The following DCAF8 variants were observed in gnomAD, a reference collection of about 807,000 sequenced individuals.
DCAF8 encodes DDB1 and CUL4 associated factor 8, also known as DDB1- and CUL4-associated factor 8.
DCAF8 carries 20 observed loss-of-function variants against 68.0 expected under a neutral mutation model. The observed-to-expected ratio is 0.29, with a 90% CI of 0.21 to 0.43. The LOEUF (loss-of-function observed/expected upper bound fraction) is 0.43. Among genes scored for constraint, DCAF8 ranks in the 20% least tolerant of loss-of-function variants. The probability of loss-of-function intolerance (pLI) is 1.00; values close to 1 mark genes in which losing one functional copy is unlikely to be tolerated. For synonymous variants in DCAF8, 230 were observed against 276.9 expected, an observed-to-expected ratio of 0.83 and a Z score of 1.68; for missense variants, 460 against 771.0, an observed-to-expected ratio of 0.60 and a Z score of 4.78.
intron 2 of DCAF8, among the ~76,000 whole-genome samples, chr1:160,249,522 G>A (rs1190180335): frequency 6.6e-6 from 1 of 151,746 alleles, no homozygotes. Flanking sequence ...CAAGAAAAAA[G>A]AGGCTCAGAC....
intron 3 of DCAF8, among the ~76,000 whole-genome samples, chr1:160,240,608 C>A (rs1212377410): frequency 6.6e-6 from 1 of 152,158 alleles, no homozygotes; most frequent in East Asian, 1.9e-4. Flanking sequence ...AGCAAAGAAT[C>A]TCAGGACAAT....
At chr1:160,245,163 T>C (rs925016096) in intron 2 of DCAF8, among the ~76,000 whole-genome samples, 7 of 152,206 alleles carry the variant, frequency 4.6e-5, no homozygotes. Context: ...AGACTCATCT[T>C]TCCTTAACAA....
Position 160,240,038 on chromosome 1 carries a change from C to A in DCAF8, c.382G>T (p.Asp128Tyr). Reference sequence around the variant, plus strand: ...AGGGCCCGCTCATCATCTGATGAGTCCTGGTCACGGTTAGCCCGCTTGCGC... The same window carrying A: ...AGGGCCCGCTCATCATCTGATGAGTACTGGTCACGGTTAGCCCGCTTGCGC... ...VQRKRANRDQ[D>Y]SSDDERALED... The change falls in exon 4 of 14, where the codon GAC becomes TAC. Residue 128 changes from aspartate (D) to tyrosine (Y), a missense_variant. By Grantham distance (160) the Asp-to-Tyr change is radical. Transcript: ENST00000368074. The A allele has an allele frequency of 1.2e-6, 2 of 1,614,236 alleles. No homozygotes were observed. Among genetic ancestry groups the A allele is most frequent in the South Asian group, 1.1e-5 (1 of 91,088 alleles).
chr1:160,231,701 G>A (rs2101729600), intron 6 of DCAF8, among the ~76,000 whole-genome samples: 1 of 152,282 alleles, frequency 6.6e-6, no homozygotes, highest in East Asian at 1.9e-4. Context: ...TCTTTAGGAA[G>A]CCTCAGTTTA....
At position 160,218,867 on chromosome 1, in the gene DCAF8, C is replaced by G; in HGVS notation, c.1542G>C (p.Glu514Asp). ...IWAPTAEAST[E>D]LTGLKDVIKK... is the part of the protein sequence containing the mutation. Reference sequence around the variant, plus strand: ...CACTTACATCTTTTAACCCTGTCAGCTCAGTGGAAGCTTCAGCTGTGGGTG... The same window carrying G: ...CACTTACATCTTTTAACCCTGTCAGGTCAGTGGAAGCTTCAGCTGTGGGTG... The change falls in exon 12 of 14, where the codon GAG becomes GAC. Residue 514 changes from glutamate to aspartate, a missense_variant. This residue lies in a region of DCAF8 where 80 missense variants were observed against 115.1 expected (regional missense o/e 0.70). Transcript: ENST00000368074. The G allele has an allele frequency of 6.2e-7, 1 of 1,614,236 alleles. No individual in the cohort carries two copies. Among genetic ancestry groups the G allele is most frequent in the Non-Finnish European group, 8.5e-7 (1 of 1,180,036 alleles).
At chr1:160,236,549 T>C (rs1452680950) in intron 6 of DCAF8, among the ~76,000 whole-genome samples, 1 of 151,564 alleles carries the variant, frequency 6.6e-6, no homozygotes, top group Non-Finnish European at 1.5e-5. Context: ...GTTCAGAAGG[T>C]TATGTAAGTC....
chr1:160,222,866 A>C, intron 10 of DCAF8, 85 bp from the exon 11 acceptor site: 1 of 1,562,308 alleles, frequency 6.4e-7, no homozygotes, highest in Middle Eastern at 1.7e-4. Flanking sequence ...TTAGTTATTC[A>C]CAAACTCTAA....
chr1:160,259,426 G>A (rs948906344), intron 2 of DCAF8, among the ~76,000 whole-genome samples: 1 of 152,032 alleles, frequency 6.6e-6, no homozygotes, highest in Admixed American at 6.6e-5. Context: ...CCAGCTACTC[G>A]GGAGGTTGAG....
chr1:160,217,701 C>T lies in DCAF8; in HGVS notation c.1685G>A (p.Arg562Gln), dbSNP rs553804996. 2.4e-5 allele frequency: 39 copies of T among 1,613,766 alleles called. No homozygotes were observed. Among genetic ancestry groups the T allele is most frequent in the East Asian group, 4.5e-5 (2 of 44,898 alleles). Residue 562 changes from arginine (R) to glutamine (Q), a missense_variant, in exon 14 of 14, where the codon CGA becomes CAA. By Grantham distance (43) the Arg-to-Gln change is conservative. Around this residue, in one of 8 missense-constraint regions of DCAF8, gnomAD observed 80 missense variants for 115.1 expected, o/e 0.70. Coordinates refer to ENST00000368074, the MANE Select transcript of DCAF8 (RefSeq NM_015726.4). ...LRQRRHHRRW[R>Q]EPGVGATDAD... ...GTCTGTGGCCCCAACCCCAGGTTCT[C>T]GCCAGCGCTGTGGATGGGAAAGGCT...
intron 7 of DCAF8, among the ~76,000 whole-genome samples, chr1:160,228,590 C>T (rs1214772606): frequency 6.7e-6 from 1 of 149,656 alleles, no homozygotes; most frequent in Non-Finnish European, 1.5e-5. Context: ...GGGACTCACA[C>T]CTATACCTCC....
chr1:160,219,081 T>C lies in DCAF8; in HGVS notation c.1441-113A>G. ...CCTTGATCAGGGCTGAGGCAGCTGC[T>C]GGGGAAGGGAGGCCCACCCATCCTG... On this transcript the variant is annotated intron_variant, in intron 11 of 13. Coordinates refer to ENST00000368074, the MANE Select transcript of DCAF8 (RefSeq NM_015726.4). 4 of 1,468,926 alleles carry C rather than the reference T, an allele frequency of 2.7e-6. No homozygotes were observed. The South Asian group carries it at 5.4e-5, about 20-fold the overall frequency. 91.0% of individuals were successfully genotyped at this position (1,468,926 alleles called of 1,614,324 possible).
intron 2 of DCAF8, among the ~76,000 whole-genome samples, chr1:160,255,346 G>A (rs1188972082): frequency 5.3e-5 from 8 of 152,000 alleles, no homozygotes; most frequent in Non-Finnish European, 8.8e-5. Context: ...ATCTTGCCGC[G>A]TGGTCTCAAA....
chr1:160,255,264 A>G (rs1656784626), intron 2 of DCAF8, among the ~76,000 whole-genome samples: 1 of 152,164 alleles, frequency 6.6e-6, no homozygotes, highest in Non-Finnish European at 1.5e-5. Flanking sequence ...AAGCCTCCCT[A>G]AGTTTTTCTC....
At chr1:160,239,526 T>C (rs1557835788) in intron 4 of DCAF8, 171 bp downstream of exon 4, 11 of 1,521,546 alleles carry the variant, frequency 7.2e-6, no homozygotes, top group Non-Finnish European at 9.7e-6. Flanking sequence ...GAATCTAGGG[T>C]TGCCAAGAGT....
chr1:160,237,428 G>A (rs1410013045), intron 5 of DCAF8, among the ~76,000 whole-genome samples, 199 bp from the exon 6 acceptor site: 1 of 152,130 alleles, frequency 6.6e-6, no homozygotes, highest in Admixed American at 6.5e-5. Context: ...TTATAGTTTT[G>A]TTTATTCTAT....
At chr1:160,251,105 A>G (rs377066554) in intron 2 of DCAF8, among the ~76,000 whole-genome samples, 5 of 152,314 alleles carry the variant, frequency 3.3e-5, no homozygotes, top group African/African-American at 9.6e-5. Flanking sequence ...ATAAACACCC[A>G]TATTTAAATG....
chr1:160,255,275 CCT>C (rs1400603003), intron 2 of DCAF8, among the ~76,000 whole-genome samples: 3 of 152,160 alleles, frequency 2.0e-5, no homozygotes, highest in Non-Finnish European at 2.9e-5. Context: ...AGTTTTTCTC[CCT>C]CTTTTAATTT....
At chr1:160,253,144 G>C (rs1374946098) in intron 2 of DCAF8, among the ~76,000 whole-genome samples, 5 of 152,134 alleles carry the variant, frequency 3.3e-5, no homozygotes, top group Non-Finnish European at 5.9e-5. Flanking sequence ...AGAGCAGAGA[G>C]AAAAATTGAG....
rs2101709825 is a variant in DCAF8 at position 160,217,244 on chromosome 1, G to C, written c.*348C>G. 2 of 164,506 alleles carry C rather than the reference G, an allele frequency of 1.2e-5. No individual in the cohort carries two copies. The highest frequency in any genetic ancestry group is 2.6e-5 in the Non-Finnish European group (2 of 76,810). The allele number at this position is 164,506 out of a possible 1,614,324, so 10.2% of individuals were successfully genotyped here. On this transcript the variant is annotated 3_prime_UTR_variant, in exon 14 of 14. Coordinates refer to ENST00000368074, the MANE Select transcript of DCAF8 (RefSeq NM_015726.4). Reference sequence around the variant, plus strand: ...AGTTGTTCCCCCCACCCCTCCCCCAGCCCAAGAAACAAGGGAGATTAAAGA... The same window carrying C: ...AGTTGTTCCCCCCACCCCTCCCCCACCCCAAGAAACAAGGGAGATTAAAGA...
Sources: gnomAD v4.1 joint callset for allele counts (sites outside exome capture counted in the v4.1 genomes callset) on GRCh38, gnomAD v4.1.1 for gene constraint, gnomAD v4.1.1 regional missense constraint, MANE v1.5 for transcripts, NCBI Gene and HGNC (gene_info 2026-07-23, HGNC 2026-07-21) for gene names.